The following DCAF6 variants were observed in gnomAD, a reference collection of about 807,000 sequenced individuals.
The protein encoded by DCAF6 is DDB1- and CUL4-associated factor 6.
In DCAF6, 54 loss-of-function variants were observed where a neutral mutation model predicts 125.1. That is an observed-to-expected ratio of 0.43 (90% CI 0.35 to 0.54). DCAF6 has a LOEUF of 0.54. Ranked by LOEUF, DCAF6 falls within the 20% of genes least tolerant of loss-of-function variation. DCAF6 has a pLI of 0.01. For synonymous variants in DCAF6, 371 were observed against 390.4 expected, an observed-to-expected ratio of 0.95 and a Z score of 0.58; for missense variants, 934 against 1,161.7, an observed-to-expected ratio of 0.80 and a Z score of 2.85.
chr1:167,981,866 C>T (rs1400095200), intron 4 of DCAF6, among the ~76,000 whole-genome samples: 1 of 152,140 alleles, frequency 6.6e-6, no homozygotes, highest in African/African-American at 2.4e-5. Flanking sequence ...TTTGGTAGAA[C>T]AATTTGTTTT....
chr1:168,049,960 A>AT (rs1689686518), intron 16 of DCAF6, among the ~76,000 whole-genome samples: 1 of 147,976 alleles, frequency 6.8e-6, no homozygotes, highest in African/African-American at 2.6e-5. Flanking sequence ...CAGGCTGTAT[A>AT]ATTTTTTTTT....
chr1:167,973,135 A>G lies in DCAF6; in HGVS notation c.253-1695A>G, dbSNP rs34734675. Reference sequence around the variant, plus strand: ...GACAGCGTTAAAGAACATGATATTTATCTTGTTTAAAGGCTTTACGTTAAT... The same window carrying G: ...GACAGCGTTAAAGAACATGATATTTGTCTTGTTTAAAGGCTTTACGTTAAT... On this transcript the variant is annotated intron_variant, in intron 3 of 21. Transcript: ENST00000367840. Among the ~76,000 whole-genome samples, 405 of 152,308 alleles carry G rather than the reference A, an allele frequency of 2.7e-3. 1 individual carries two copies. The highest frequency in any genetic ancestry group is 4.6e-3 in the Non-Finnish European group (313 of 68,016).
intron 17 of DCAF6, among the ~76,000 whole-genome samples, chr1:168,061,811 A>G (rs2101942672): frequency 6.6e-6 from 1 of 152,264 alleles, no homozygotes; most frequent in South Asian, 2.1e-4. Flanking sequence ...AAATTTATAC[A>G]GCCACTTTGG....
chr1:167,883,653 G>A, the DCAF6 span: 18 of 1,613,538 alleles, frequency 1.1e-5, no homozygotes, highest in Non-Finnish European at 1.4e-5. Context: ...GCAGCTTTCT[G>A]TAGGTGTCCT....
chr1:168,059,422 A>C (rs1226143035), intron 17 of DCAF6, among the ~76,000 whole-genome samples: 1 of 152,158 alleles, frequency 6.6e-6, no homozygotes, highest in African/African-American at 2.4e-5. Flanking sequence ...ATAGCTTTTT[A>C]GTAAATCTTA....
At chr1:168,013,885 G>T (rs568369188) in intron 10 of DCAF6, among the ~76,000 whole-genome samples, 1 of 151,924 alleles carries the variant, frequency 6.6e-6, no homozygotes, top group African/African-American at 2.4e-5. Flanking sequence ...GGCCACAAGT[G>T]TGCATCACCA....
intron 18 of DCAF6, 58 bp downstream of exon 18, chr1:168,063,817 T>C: frequency 1.3e-6 from 2 of 1,531,938 alleles, no homozygotes; most frequent in South Asian, 2.5e-5. Flanking sequence ...CTGAGTGTTT[T>C]TCCATAATGA....
At chr1:168,037,190 G>T (rs1434690080) in intron 12 of DCAF6, among the ~76,000 whole-genome samples, 2 of 140,876 alleles carry the variant, frequency 1.4e-5, no homozygotes, top group South Asian at 2.4e-4. Context: ...ACTGAGCCCC[G>T]CTGAGATTCT....
chr1:167,984,488 A>G (rs1316073337), intron 4 of DCAF6, among the ~76,000 whole-genome samples: 2 of 152,232 alleles, frequency 1.3e-5, no homozygotes, highest in Admixed American at 6.5e-5. Context: ...TTGGAAATAT[A>G]TGCTTCCAAT....
the DCAF6 span, among the ~76,000 whole-genome samples, chr1:167,889,337 G>C: frequency 6.6e-6 from 1 of 152,086 alleles, no homozygotes; most frequent in Admixed American, 6.5e-5. Flanking sequence ...ATGATAATAT[G>C]GTTTTTGTCC....
rs539147025 is a variant in DCAF6 at position 167,940,276 on chromosome 1, A to G, written c.97+3268A>G. ...ATCCACAAGATTCACCTGGGCCAACAGAGTGTTGTTTTAGACTAGCATGGA... is the reference window on the plus strand; with the variant it reads ...ATCCACAAGATTCACCTGGGCCAACGGAGTGTTGTTTTAGACTAGCATGGA... On this transcript the variant is annotated intron_variant, in intron 1 of 21. Coordinates refer to ENST00000367840, the MANE Select transcript of DCAF6 (RefSeq NM_001198956.2). Among the ~76,000 whole-genome samples, 4 of 152,354 alleles carry G rather than the reference A, an allele frequency of 2.6e-5. No homozygotes were observed. The South Asian group carries it at 8.3e-4, about 32-fold the overall frequency.
the DCAF6 span, among the ~76,000 whole-genome samples, chr1:167,884,760 C>T: frequency 1.1e-4 from 17 of 148,530 alleles, no homozygotes; most frequent in East Asian, 1.4e-3. Context: ...TGCAGTGGCG[C>T]GATCTCGGCT....
At chr1:167,974,774 T>A in intron 3 of DCAF6, 56 bp from the exon 4 acceptor site, 1 of 1,333,084 alleles carries the variant, frequency 7.5e-7, no homozygotes, top group Non-Finnish European at 1.0e-6. Flanking sequence ...ATATTAAAAA[T>A]GAATATTTCT....
At chr1:167,885,447 G>A in the DCAF6 span, among the ~76,000 whole-genome samples, 7 of 152,034 alleles carry the variant, frequency 4.6e-5, no homozygotes, top group African/African-American at 9.7e-5. Context: ...CCTGTCCAGC[G>A]TTTGTTATTG....
chr1:168,019,088 G>A (rs912280287), intron 11 of DCAF6, among the ~76,000 whole-genome samples: 12 of 150,202 alleles, frequency 8.0e-5, no homozygotes, highest in African/African-American at 2.7e-4. Flanking sequence ...TCGCTTTGTC[G>A]CCCAAGCTGG....
At chr1:167,939,812 CT>C (rs1671956423) in intron 1 of DCAF6, among the ~76,000 whole-genome samples, 1 of 152,054 alleles carries the variant, frequency 6.6e-6, no homozygotes, top group African/African-American at 2.4e-5. Context: ...TAAAGCCTTC[CT>C]TTTAAAAGTC....
intron 3 of DCAF6, 36 bp downstream of exon 3, chr1:167,966,757 GA>G (rs748119322): frequency 1.0e-5 from 13 of 1,292,688 alleles, no homozygotes; most frequent in East Asian, 9.3e-5. Flanking sequence ...TTTAATGAGA[GA>G]AAAAAAATCA....
At chr1:167,905,559 T>C in the DCAF6 span, among the ~76,000 whole-genome samples, 1 of 152,000 alleles carries the variant, frequency 6.6e-6, no homozygotes, top group Non-Finnish European at 1.5e-5. Context: ...TGTTTCCTTT[T>C]ACCCTCTCTC....
At chr1:167,896,830 G>A in the DCAF6 span, 1 of 649,036 alleles carries the variant, frequency 1.5e-6, no homozygotes, top group East Asian at 2.7e-5. Flanking sequence ...TATTTGATTT[G>A]TAAAATTGAA....
Sources: gnomAD v4.1 joint callset for allele counts (sites outside exome capture counted in the v4.1 genomes callset) on GRCh38, gnomAD v4.1.1 for gene constraint, MANE v1.5 for transcripts, NCBI Gene and HGNC (gene_info 2026-07-23, HGNC 2026-07-21) for gene names.